KDM2A: variants seen among roughly 807,000 people sequenced by gnomAD.
KDM2A encodes the protein lysine demethylase 2A.
A neutral mutation model predicts 137.3 loss-of-function variants in KDM2A; 3 were observed. The ratio of observed to expected loss-of-function variants is 0.02; its 90% CI spans 0.01 to 0.06. The LOEUF (loss-of-function observed/expected upper bound fraction) is 0.06. KDM2A is among the 10% of genes least tolerant of loss of function. The pLI, the probability that KDM2A is intolerant of heterozygous loss-of-function variation, is 1.00. For missense variants in KDM2A, 738 were observed against 1,510.6 expected, an observed-to-expected ratio of 0.49 and a Z score of 8.48; for synonymous variants, 512 against 541.5, an observed-to-expected ratio of 0.95 and a Z score of 0.76.
intron 5 of KDM2A, among the ~76,000 whole-genome samples, chr11:67,189,466 A>G (rs1429046123): frequency 1.3e-5 from 2 of 152,214 alleles, no homozygotes; most frequent in Admixed American, 1.3e-4. Context: ...GCATGTGCCT[A>G]TAGTTCCAGC....
chr11:67,236,063 A>G (rs565080934), intron 12 of KDM2A, among the ~76,000 whole-genome samples: 1 of 152,342 alleles, frequency 6.6e-6, no homozygotes, highest in East Asian at 1.9e-4. Flanking sequence ...AGAGGAATCT[A>G]AAAGGGTACA....
At chr11:67,181,082 G>A (rs1018911357) in intron 3 of KDM2A, among the ~76,000 whole-genome samples, 15 of 151,360 alleles carry the variant, frequency 9.9e-5, no homozygotes, top group Non-Finnish European at 2.1e-4. Flanking sequence ...AATTTCCTGT[G>A]GAAATTTAGA....
At position 67,254,270 on chromosome 11, in the gene KDM2A, T is replaced by G. The variant is rs1221204491; in HGVS notation, c.3159T>G (p.Asp1053Glu). The change falls in exon 20 of 21, where the codon GAT becomes GAG. Residue 1053 changes from aspartate (D) to glutamate (E), a missense_variant. This residue lies in a region of KDM2A where 166 missense variants were observed against 324.0 expected (regional missense o/e 0.51). Coordinates refer to ENST00000529006, the MANE Select transcript of KDM2A (RefSeq NM_012308.3). This position sits in a 1 kb window ranked among gnomAD's most constrained non-coding sequence, Gnocchi z 4.7. The stretch of plus-strand genomic sequence containing the variant: ...GGCTGGCAGGCCTTGACATCACAGA[T>G]GCCACGCTTCGCCTCATAATTCGCC... ...DFRLAGLDIT[D>E]ATLRLIIRHM... 1 of 1,614,048 alleles carries G rather than the reference T, an allele frequency of 6.2e-7. No homozygotes were observed. The highest frequency in any genetic ancestry group is 1.3e-5 in the African/African-American group (1 of 75,066).
chr11:67,191,117 C>T (rs1417017019), intron 5 of KDM2A, among the ~76,000 whole-genome samples: 3 of 152,048 alleles, frequency 2.0e-5, no homozygotes, highest in African/African-American at 4.8e-5. Context: ...GATCTCGGCT[C>T]ACTGCAATCT....
chr11:67,247,071 A>ATAT (rs1565424270), intron 15 of KDM2A, among the ~76,000 whole-genome samples: 3 of 16,786 alleles, frequency 1.8e-4, no homozygotes, highest in African/African-American at 4.0e-4. Context: ...ATATATATAT[A>ATAT]TTTTTTTTTT....
In KDM2A at chr11:67,180,060, A is replaced by G. The variant is rs376717337; in HGVS notation, c.43-19A>G. Reference sequence around the variant, plus strand: ...TGAAAAAGTGCATGATTTCATCAGTATGTTCCTTTCTTTCCTAGCGTGGTA... The same window carrying G: ...TGAAAAAGTGCATGATTTCATCAGTGTGTTCCTTTCTTTCCTAGCGTGGTA... On this transcript the variant is annotated intron_variant, in intron 2 of 20. Coordinates refer to ENST00000529006, the MANE Select transcript of KDM2A (RefSeq NM_012308.3). 2.0e-5 allele frequency: 32 copies of G among 1,606,914 alleles called. No homozygotes were observed. The highest frequency in any genetic ancestry group is 2.7e-5 in the Non-Finnish European group (32 of 1,176,866).
Position 67,119,814 on chromosome 11 carries a change from G to C in KDM2A, c.-319G>C, listed in dbSNP as rs1230241761. The C allele has an allele frequency of 6.6e-6, 1 of 151,248 alleles. No individual in the cohort carries two copies. Among genetic ancestry groups the C allele is most frequent in the Non-Finnish European group, 1.5e-5 (1 of 67,668 alleles). 9.4% of individuals were successfully genotyped at this position (151,248 alleles called of 1,614,324 possible). On this transcript the variant is annotated 5_prime_UTR_variant, in exon 1 of 21. Coordinates refer to ENST00000529006, the MANE Select transcript of KDM2A (RefSeq NM_012308.3). ...GGGGAGGCGGGGGCGCCCCGGGCTC[G>C]GCGCCGAGGGGTCGCGCTCCTCTCT...
At chr11:67,248,993 G>C (rs1300125867) in intron 16 of KDM2A, among the ~76,000 whole-genome samples, 1 of 152,234 alleles carries the variant, frequency 6.6e-6, no homozygotes, top group African/African-American at 2.4e-5. Context: ...GGCAAGACCA[G>C]CTGTGGACAC....
intron 2 of KDM2A, among the ~76,000 whole-genome samples, chr11:67,147,291 C>T (rs1856274803): frequency 6.6e-6 from 1 of 151,970 alleles, no homozygotes. Context: ...GCCTGTAATC[C>T]CAGCACTTTG....
chr11:67,157,991 G>A (rs1856556363), intron 2 of KDM2A, among the ~76,000 whole-genome samples: 1 of 152,028 alleles, frequency 6.6e-6, no homozygotes, highest in African/African-American at 2.4e-5. Flanking sequence ...TTTAAATTAG[G>A]TTTCCCTGTT....
intron 2 of KDM2A, among the ~76,000 whole-genome samples, chr11:67,125,942 CAAA>C (rs59801773): frequency 2.8e-4 from 14 of 50,438 alleles, no homozygotes; most frequent in Middle Eastern, 0.015. Context: ...GGCTTCACCT[CAAA>C]AAAAAAAAAA....
At chr11:67,228,646 A>G (rs1033851218) in intron 11 of KDM2A, among the ~76,000 whole-genome samples, 9 of 149,732 alleles carry the variant, frequency 6.0e-5, no homozygotes, top group Non-Finnish European at 8.9e-5. Flanking sequence ...AGATCATGCC[A>G]CTGCACTCTA....
At chr11:67,128,384 CT>C (rs59357038) in intron 2 of KDM2A, among the ~76,000 whole-genome samples, 4,828 of 148,446 alleles carry the variant, frequency 0.033, 126 homozygotes, top group African/African-American at 0.071. Context: ...TATTTTAAGC[CT>C]TTTTTTTTTC....
rs1858602546 is a variant in KDM2A at position 67,228,153 on chromosome 11, C to T, written c.1074C>T (p.Ser358=). The T allele has an allele frequency of 1.9e-6, 3 of 1,613,724 alleles. No individual in the cohort carries two copies. Among genetic ancestry groups the T allele is most frequent in the African/African-American group, 2.7e-5 (2 of 74,870 alleles). The change falls in exon 11 of 21, where the codon TCC becomes TCT. Residue 358 remains serine, a synonymous_variant. Transcript: ENST00000529006. ...TAACTAAGGAATTTCAGAAAGAGTC[C>T]CTCAGCATGGGTAAGTATTCTGCCT... ...SHLTKEFQKE[S]LSMDLELNGL... is the part of the protein sequence containing the mutation.
intron 6 of KDM2A, among the ~76,000 whole-genome samples, chr11:67,209,529 C>T (rs754826885): frequency 6.6e-5 from 10 of 151,666 alleles, no homozygotes; most frequent in African/African-American, 1.2e-4. Flanking sequence ...CTGCAGCCTC[C>T]GCCTCCCAGG....
At chr11:67,233,352 C>T (rs1858773125) in intron 12 of KDM2A, among the ~76,000 whole-genome samples, 1 of 147,266 alleles carries the variant, frequency 6.8e-6, no homozygotes. Context: ...AACCCCATCT[C>T]TACTAAAAAT....
intron 12 of KDM2A, chr11:67,240,429 T>C (rs1858996631): frequency 4.2e-6 from 6 of 1,427,258 alleles, no homozygotes; most frequent in Admixed American, 4.4e-5. Context: ...ATAGGGACTT[T>C]TGTCTCAGTG....
chr11:67,195,302 A>G (rs1195946454), intron 5 of KDM2A, among the ~76,000 whole-genome samples: 2 of 147,448 alleles, frequency 1.4e-5, no homozygotes, highest in African/African-American at 5.0e-5. Context: ...CCAGAAGGCG[A>G]AGGCTGCAGT....
At chr11:67,240,024 G>T in intron 12 of KDM2A, 1 of 1,289,092 alleles carries the variant, frequency 7.8e-7, no homozygotes, top group South Asian at 2.5e-5. Flanking sequence ...ACTCTCGCTC[G>T]GCTCCCCCTC....
Sources: gnomAD v4.1 joint callset for allele counts (sites outside exome capture counted in the v4.1 genomes callset) on GRCh38, gnomAD v4.1.1 for gene constraint, gnomAD v4.1.1 regional missense constraint, Gnocchi (gnomAD v3.1) non-coding constraint, MANE v1.5 for transcripts, NCBI Gene and HGNC (gene_info 2026-07-23, HGNC 2026-07-21) for gene names.